SLC25A13: variants seen among roughly 807,000 people sequenced by gnomAD.
SLC25A13 encodes the protein solute carrier family 25 member 13.
SLC25A13 carries 70 observed loss-of-function variants against 85.5 expected under a neutral mutation model. That is an observed-to-expected ratio of 0.82 (90% confidence interval 0.68 to 1.00). The LOEUF (loss-of-function observed/expected upper bound fraction) is 1.00, where lower values mean the gene tolerates loss of function less well. Among genes scored for constraint, SLC25A13 ranks in the 50% least tolerant of loss-of-function variants. The pLI is 0.00. For missense variants in SLC25A13, 765 were observed against 819.8 expected, an observed-to-expected ratio of 0.93 and a Z score of 0.82; for synonymous variants, 259 against 288.7, an observed-to-expected ratio of 0.90 and a Z score of 1.04.
chr7:96,203,156 C>T (rs1384748105), intron 5 of SLC25A13, among the ~76,000 whole-genome samples: 1 of 152,192 alleles, frequency 6.6e-6, no homozygotes, highest in African/African-American at 2.4e-5. Context: ...TCCCATTAGT[C>T]TTAGGATAAA....
intron 9 of SLC25A13, among the ~76,000 whole-genome samples, chr7:96,188,694 C>G (rs1794728100): frequency 6.6e-6 from 1 of 152,186 alleles, no homozygotes; most frequent in African/African-American, 2.4e-5. Context: ...GTTTCTGACT[C>G]CCACAACTTC....
At chr7:96,131,127 T>C (rs1162279817) in intron 15 of SLC25A13, among the ~76,000 whole-genome samples, 1 of 152,202 alleles carries the variant, frequency 6.6e-6, no homozygotes, top group African/African-American at 2.4e-5. Context: ...TTAGGGACCC[T>C]TGAAAAGAAG....
At chr7:96,165,785 T>C (rs1027876427) in intron 13 of SLC25A13, among the ~76,000 whole-genome samples, 1 of 152,214 alleles carries the variant, frequency 6.6e-6, no homozygotes, top group Non-Finnish European at 1.5e-5. Context: ...GACAGGTACA[T>C]TAAGGGCCTC....
At chr7:96,307,079 A>G (rs1799772672) in intron 1 of SLC25A13, among the ~76,000 whole-genome samples, 2 of 152,010 alleles carry the variant, frequency 1.3e-5, no homozygotes, top group African/African-American at 4.8e-5. Flanking sequence ...TGAGGGGGTT[A>G]GCCCTTCCCA....
At chr7:96,151,280 C>A (rs1793033182) in intron 13 of SLC25A13, among the ~76,000 whole-genome samples, 1 of 152,080 alleles carries the variant, frequency 6.6e-6, no homozygotes, top group Non-Finnish European at 1.5e-5. Context: ...TTACTAAGTA[C>A]CAGGGATTGT....
intron 3 of SLC25A13, among the ~76,000 whole-genome samples, chr7:96,255,218 T>C (rs1290940288): frequency 6.6e-6 from 1 of 152,254 alleles, no homozygotes; most frequent in Non-Finnish European, 1.5e-5. Flanking sequence ...ATTTTGGATA[T>C]ATCCTACACA....
intron 1 of SLC25A13, among the ~76,000 whole-genome samples, chr7:96,314,783 CA>C (rs1398961857): frequency 6.6e-6 from 1 of 152,202 alleles, no homozygotes; most frequent in Non-Finnish European, 1.5e-5. Flanking sequence ...GCTCCTCGGA[CA>C]ATCTTCTAAA....
chr7:96,152,704 T>C (rs1051359698), intron 13 of SLC25A13, among the ~76,000 whole-genome samples: 51 of 151,926 alleles, frequency 3.4e-4, no homozygotes, highest in African/African-American at 1.1e-3. Flanking sequence ...GGTGGGAGGA[T>C]GAAGAAGAAA....
intron 1 of SLC25A13, among the ~76,000 whole-genome samples, chr7:96,317,380 C>A (rs1302238678): frequency 6.6e-6 from 1 of 151,686 alleles, no homozygotes; most frequent in Non-Finnish European, 1.5e-5. Flanking sequence ...AATGAATCAA[C>A]AACGAAACAC....
chr7:96,243,862 T>A (rs1375738375), intron 3 of SLC25A13, among the ~76,000 whole-genome samples: 1 of 151,958 alleles, frequency 6.6e-6, no homozygotes, highest in East Asian at 1.9e-4. Flanking sequence ...ATGAGGGAGG[T>A]GCCGGGCATA....
chr7:96,280,570 C>A (rs1233755717), intron 2 of SLC25A13, among the ~76,000 whole-genome samples: 2 of 151,958 alleles, frequency 1.3e-5, no homozygotes, highest in African/African-American at 4.8e-5. Flanking sequence ...AAAAAATTAA[C>A]CAGGTAGGGT....
intron 3 of SLC25A13, among the ~76,000 whole-genome samples, chr7:96,236,707 T>C (rs1796756377): frequency 6.6e-6 from 1 of 152,204 alleles, no homozygotes; most frequent in African/African-American, 2.4e-5. Flanking sequence ...GGCTTCCATT[T>C]AACCTGGGTA....
chr7:96,242,763 C>T (rs923780848), intron 3 of SLC25A13, among the ~76,000 whole-genome samples: 4 of 152,178 alleles, frequency 2.6e-5, no homozygotes, highest in African/African-American at 7.2e-5. Flanking sequence ...CGCCCCACTT[C>T]GAGTTGTCCC....
chr7:96,210,342 T>C (rs1451765245), intron 4 of SLC25A13, among the ~76,000 whole-genome samples: 1 of 152,050 alleles, frequency 6.6e-6, no homozygotes. Context: ...AGATAAGATA[T>C]AAGGAAAATG....
At chr7:96,134,814 A>ATATATATATAT (rs1554337570) in intron 14 of SLC25A13, among the ~76,000 whole-genome samples, 3 of 64,474 alleles carry the variant, frequency 4.7e-5, no homozygotes, top group African/African-American at 2.3e-4. Flanking sequence ...TATATATATA[A>ATATATATATAT]CCCTGAGGAA....
chr7:96,240,060 A>G (rs1191985617), intron 3 of SLC25A13, among the ~76,000 whole-genome samples: 2 of 152,198 alleles, frequency 1.3e-5, no homozygotes, highest in Non-Finnish European at 2.9e-5. Context: ...GTGCTTCTTC[A>G]CTGTAGCGTA....
chr7:96,269,335 G>C (rs767579334), intron 3 of SLC25A13, among the ~76,000 whole-genome samples: 1 of 152,164 alleles, frequency 6.6e-6, no homozygotes, highest in African/African-American at 2.4e-5. Flanking sequence ...TGTTAAGGCC[G>C]TAAGTGCACA....
At chr7:96,260,585 T>C (rs1276819944) in intron 3 of SLC25A13, among the ~76,000 whole-genome samples, 2 of 152,100 alleles carry the variant, frequency 1.3e-5, no homozygotes. Context: ...GCCTCTCTAA[T>C]TGCATGTTTA....
At chr7:96,277,435 G>A (rs539332164) in intron 2 of SLC25A13, 97 bp from the exon 3 acceptor site, 87 of 1,143,476 alleles carry the variant, frequency 7.6e-5, no homozygotes, top group South Asian at 2.2e-4. Context: ...ATATCCAAAC[G>A]ATAAAATATC....
Sources: gnomAD v4.1 joint callset for allele counts (sites outside exome capture counted in the v4.1 genomes callset) on GRCh38, gnomAD v4.1.1 for gene constraint, MANE v1.5 for transcripts, NCBI Gene and HGNC (gene_info 2026-07-23, HGNC 2026-07-21) for gene names.